The following ATAD2B variants were observed in gnomAD, a reference collection of about 807,000 sequenced individuals.
ATAD2B encodes ATPase family AAA domain-containing protein 2B.
A neutral mutation model predicts 167.6 loss-of-function variants in ATAD2B; 40 were observed. That is an observed-to-expected ratio of 0.24 (90% CI 0.19 to 0.31). The LOEUF (loss-of-function observed/expected upper bound fraction) is 0.31. Among genes scored for constraint, ATAD2B ranks in the 10% least tolerant of loss-of-function variants. ATAD2B has a pLI of 1.00. For synonymous variants in ATAD2B, 579 were observed against 596.5 expected, an observed-to-expected ratio of 0.97 and a Z score of 0.43; for missense variants, 1,242 against 1,757.2, an observed-to-expected ratio of 0.71 and a Z score of 5.24.
chr2:23,747,445 C>CA (rs1358884056), downstream of ATAD2B, among the ~76,000 whole-genome samples: 13 of 151,654 alleles, frequency 8.6e-5, no homozygotes, highest in East Asian at 1.7e-3. Flanking sequence ...GTCACACACA[C>CA]AAAAAAACAA....
chr2:23,792,962 CAAAAAAAA>C (rs36015161), intron 19 of ATAD2B, among the ~76,000 whole-genome samples: 1 of 42,556 alleles, frequency 2.3e-5, no homozygotes, highest in African/African-American at 1.1e-4. Flanking sequence ...GACTCTGTCT[CAAAAAAAA>C]AAAAAAAAAA....
chr2:23,736,237 T>C, the ATAD2B span, among the ~76,000 whole-genome samples: 2 of 152,008 alleles, frequency 1.3e-5, no homozygotes, highest in Non-Finnish European at 2.9e-5. Context: ...ACCCCCCCCA[T>C]TGTTACTATT....
chr2:23,823,023 T>C (rs963673123), intron 16 of ATAD2B, among the ~76,000 whole-genome samples: 4 of 148,920 alleles, frequency 2.7e-5, no homozygotes, highest in Non-Finnish European at 5.9e-5. Flanking sequence ...AAGATAGTAA[T>C]AGCCCTACAT....
At chr2:23,745,422 A>AAGGAAGGGAAGGG (rs1491261605), downstream of ATAD2B, among the ~76,000 whole-genome samples, 2 of 85,012 alleles carry the variant, frequency 2.4e-5, no homozygotes, top group Non-Finnish European at 4.8e-5. Flanking sequence ...GGAAGGAAGG[A>AAGGAAGGGAAGGG]AAGGGAAGGG....
the ATAD2B span, among the ~76,000 whole-genome samples, chr2:23,695,205 G>T: frequency 2.6e-5 from 4 of 152,018 alleles, no homozygotes; most frequent in Non-Finnish European, 4.4e-5. The surrounding 1 kb of genome is among the most constrained non-coding windows in gnomAD (Gnocchi z 7.6). Flanking sequence ...AGCTTTCCTG[G>T]GTCCTCCCAC....
At chr2:23,863,245 A>G in intron 12 of ATAD2B, 136 bp downstream of exon 12, 1 of 800,192 alleles carries the variant, frequency 1.2e-6, no homozygotes, top group Middle Eastern at 3.7e-4. Context: ...GGATGTCAAG[A>G]CAGTAGTGAG....
chr2:23,782,976 A>G lies in ATAD2B; in HGVS notation c.3026T>C (p.Ile1009Thr). 6.3e-7 allele frequency: 1 copy of G among 1,582,926 alleles called. No individual in the cohort carries two copies. Among genetic ancestry groups the G allele is most frequent in the Non-Finnish European group, 8.7e-7 (1 of 1,152,960 alleles). Residue 1009 changes from isoleucine to threonine, a missense_variant, in exon 22 of 28, where the codon ATA (isoleucine) becomes ACA (threonine). This residue lies in a region of ATAD2B where 204 missense variants were observed against 324.0 expected (regional missense o/e 0.63). Transcript: ENST00000238789. ...IKEPMDLSTV[I>T]TKIDKHNYLT... Reference sequence around the variant, plus strand: ...GTAATTATGTTTATCAATTTTAGTTATTACTGTTGATAAGTCCATTGGTTC... The same window carrying G: ...GTAATTATGTTTATCAATTTTAGTTGTTACTGTTGATAAGTCCATTGGTTC...
At chr2:23,828,518 A>T (rs1197405284) in intron 15 of ATAD2B, among the ~76,000 whole-genome samples, 3 of 152,162 alleles carry the variant, frequency 2.0e-5, no homozygotes, top group African/African-American at 4.8e-5. Flanking sequence ...TTTCTCTCTC[A>T]AGTTCAAGCT....
At chr2:23,780,692 G>T (rs1679891186) in intron 22 of ATAD2B, among the ~76,000 whole-genome samples, 1 of 152,040 alleles carries the variant, frequency 6.6e-6, no homozygotes, top group South Asian at 2.1e-4. Context: ...CTGGGGTCAG[G>T]ACTTTAAGAC....
downstream of ATAD2B, among the ~76,000 whole-genome samples, chr2:23,748,158 T>C (rs1477358608): frequency 6.6e-6 from 1 of 152,208 alleles, no homozygotes; most frequent in East Asian, 1.9e-4. Context: ...GGAAGATCAG[T>C]GTACTACAGG....
the ATAD2B span, among the ~76,000 whole-genome samples, chr2:23,702,467 G>T: frequency 6.6e-6 from 1 of 152,138 alleles, no homozygotes; most frequent in East Asian, 1.9e-4. Context: ...CTAAGTCGGG[G>T]ACTGTCTGCA....
chr2:23,870,208 GAAA>G (rs11301038), intron 8 of ATAD2B, among the ~76,000 whole-genome samples: 5 of 123,908 alleles, frequency 4.0e-5, no homozygotes, highest in Admixed American at 8.6e-5. Flanking sequence ...CTCCTTCTCG[GAAA>G]AAAAAAAAAA....
chr2:23,917,397 G>T (rs1376696707), intron 1 of ATAD2B, among the ~76,000 whole-genome samples: 2 of 152,098 alleles, frequency 1.3e-5, no homozygotes, highest in African/African-American at 4.8e-5. Context: ...ATATAAATAT[G>T]CTATATAATG....
the ATAD2B span, among the ~76,000 whole-genome samples, chr2:23,742,283 A>G: frequency 6.6e-6 from 1 of 152,186 alleles, no homozygotes; most frequent in Non-Finnish European, 1.5e-5. Context: ...TATTCACAAT[A>G]GCAAAGACTT....
chr2:23,926,480 C>T (rs1431958221), intron 1 of ATAD2B, 75 bp downstream of exon 1: 1 of 1,499,362 alleles, frequency 6.7e-7, no homozygotes, highest in Non-Finnish European at 8.8e-7. Flanking sequence ...TTCCTACCCC[C>T]AACCCGGCCA....
At chr2:23,867,342 A>T (rs1326047991) in intron 10 of ATAD2B, among the ~76,000 whole-genome samples, 1 of 152,068 alleles carries the variant, frequency 6.6e-6, no homozygotes, top group Non-Finnish European at 1.5e-5. Context: ...CAATTAATTC[A>T]CCAAATTCTG....
At chr2:23,760,690 T>TTATATATA (rs60333740) in intron 24 of ATAD2B, among the ~76,000 whole-genome samples, 5,620 of 113,430 alleles carry the variant, frequency 0.05, 186 homozygotes, top group Middle Eastern at 0.13. Context: ...ATAAATAAAT[T>TTATATATA]TATATATATA....
At chr2:23,718,505 G>C in the ATAD2B span, among the ~76,000 whole-genome samples, 1 of 152,192 alleles carries the variant, frequency 6.6e-6, no homozygotes, top group Admixed American at 6.5e-5. Context: ...CTGCCCATGT[G>C]TAGAACTGAC....
Position 23,863,456 on chromosome 2 carries a change from A to G in ATAD2B, c.1404T>C (p.Phe468=). ...TCAAACAATCTGCTCCTTTTCGCAT[A>G]AAAAAAGCCACTTTTTTGTCTCCTT... ...CSQGDKKVAF[F]MRKGADCLSK... The change falls in exon 12 of 28, where the codon TTT becomes TTC. Residue 468 remains phenylalanine (F), a synonymous_variant. Coordinates refer to ENST00000238789, the MANE Select transcript of ATAD2B (RefSeq NM_017552.4). The G allele has an allele frequency of 2.6e-6, 4 of 1,553,330 alleles. No individual in the cohort carries two copies. The South Asian group carries it at 4.8e-5, about 18-fold the overall frequency.
Sources: allele counts gnomAD v4.1 joint callset (sites outside exome capture counted in the v4.1 genomes callset), GRCh38; gene constraint gnomAD v4.1.1; regional missense constraint gnomAD v4.1.1; non-coding constraint Gnocchi (gnomAD v3.1); transcripts MANE v1.5; gene names NCBI Gene and HGNC (gene_info 2026-07-23, HGNC 2026-07-21).